CA10: variants seen among roughly 807,000 people sequenced by gnomAD.
CA10 encodes carbonic anhydrase 10 (inactive).
A neutral mutation model predicts 44.2 loss-of-function variants in CA10; 14 were observed. The observed-to-expected ratio is 0.32, with a 90% confidence interval of 0.21 to 0.50. The LOEUF is 0.50. Ranked by LOEUF, CA10 falls within the 20% of genes least tolerant of loss-of-function variation. The probability of loss-of-function intolerance (pLI) is 0.99; values close to 1 mark genes in which losing one functional copy is unlikely to be tolerated. For synonymous variants in CA10, 159 were observed against 141.6 expected, an observed-to-expected ratio of 1.12 and a Z score of -0.87; for missense variants, 350 against 409.7, an observed-to-expected ratio of 0.85 and a Z score of 1.26.
chr17:51,993,500 A>G (rs1233981072), intron 2 of CA10, among the ~76,000 whole-genome samples: 1 of 152,028 alleles, frequency 6.6e-6, no homozygotes, highest in Non-Finnish European at 1.5e-5. Flanking sequence ...ATAGTTATTT[A>G]TTAGCATCCG....
intron 3 of CA10, among the ~76,000 whole-genome samples, chr17:51,928,759 A>G (rs1982531393): frequency 6.6e-6 from 1 of 152,218 alleles, no homozygotes; most frequent in African/African-American, 2.4e-5. Flanking sequence ...CAAAAATCAG[A>G]GCAGTGATTT....
chr17:51,708,815 C>T (rs185597752), intron 4 of CA10, among the ~76,000 whole-genome samples: 9 of 152,348 alleles, frequency 5.9e-5, no homozygotes, highest in Non-Finnish European at 1.2e-4. Context: ...TGCCCTTGAA[C>T]GGCAGACTCC....
intron 3 of CA10, among the ~76,000 whole-genome samples, chr17:51,783,096 G>A (rs1906123510): frequency 6.6e-6 from 1 of 152,178 alleles, no homozygotes; most frequent in Non-Finnish European, 1.5e-5. Flanking sequence ...GCTGACTGTT[G>A]TCTAAATAGT....
intron 3 of CA10, among the ~76,000 whole-genome samples, chr17:51,845,063 T>C (rs1203528940): frequency 2.6e-5 from 4 of 152,196 alleles, no homozygotes; most frequent in African/African-American, 7.2e-5. Flanking sequence ...CAAGGATTGA[T>C]GGTGGCCACC....
At chr17:52,052,958 A>C (rs1363569486) in intron 2 of CA10, among the ~76,000 whole-genome samples, 1 of 151,556 alleles carries the variant, frequency 6.6e-6, no homozygotes, top group East Asian at 1.9e-4. Context: ...TGTGAGTGTG[A>C]GTGATGTGTG....
At chr17:52,047,050 TAAAC>T (rs1486219661) in intron 2 of CA10, among the ~76,000 whole-genome samples, 4 of 151,966 alleles carry the variant, frequency 2.6e-5, no homozygotes, top group African/African-American at 4.8e-5. Flanking sequence ...TTATTTCAGA[TAAAC>T]AAAATCTAGA....
chr17:51,898,072 G>C (rs1343043029), intron 3 of CA10, among the ~76,000 whole-genome samples: 6 of 151,998 alleles, frequency 3.9e-5, no homozygotes, highest in Non-Finnish European at 8.8e-5. Context: ...TCTCATTCCT[G>C]ATTGCTCTAG....
chr17:51,641,753 G>C (rs999403137), intron 6 of CA10, among the ~76,000 whole-genome samples: 1 of 149,424 alleles, frequency 6.7e-6, no homozygotes, highest in African/African-American at 2.4e-5. Context: ...GGACCACTTG[G>C]GGGAGTCGGG....
chr17:52,057,433 T>A (rs1354311158), intron 2 of CA10, among the ~76,000 whole-genome samples: 1 of 139,232 alleles, frequency 7.2e-6, no homozygotes, highest in African/African-American at 2.4e-5. Context: ...ACTTTCTTAA[T>A]AACATTTTAT....
At chr17:52,055,357 AAAAAACAAAGC>A (rs1987198436) in intron 2 of CA10, among the ~76,000 whole-genome samples, 1 of 151,920 alleles carries the variant, frequency 6.6e-6, no homozygotes. Context: ...AAAAAAAAAA[AAAAAACAAAGC>A]AAAACTTAAA....
chr17:51,756,064 A>G (rs1433522243), intron 3 of CA10, among the ~76,000 whole-genome samples: 73 of 148,404 alleles, frequency 4.9e-4, no homozygotes, highest in Admixed American at 4.8e-3. Context: ...TCTTCAGCAG[A>G]TTTTTTTTTT....
Position 52,027,493 on chromosome 17 carries a change from C to T in CA10, c.136+44826G>A, listed in dbSNP as rs533401743. On this transcript the variant is annotated intron_variant, in intron 2 of 8. Coordinates refer to ENST00000451037, the MANE Select transcript of CA10 (RefSeq NM_020178.5). Reference sequence around the variant, plus strand: ...TAAGAGGAGTTTGAACTATAATTATCTGAAGTCTGCCCCAGCTGGTTACTC... The same window carrying T: ...TAAGAGGAGTTTGAACTATAATTATTTGAAGTCTGCCCCAGCTGGTTACTC... Among the ~76,000 whole-genome samples the T allele has an allele frequency of 2.0e-5, 3 of 152,234 alleles. No individual in the cohort carries two copies. In the East Asian group the frequency reaches 5.8e-4, roughly 29 times the overall value.
At chr17:51,703,915 C>T (rs932164744) in intron 4 of CA10, among the ~76,000 whole-genome samples, 29 of 136,478 alleles carry the variant, frequency 2.1e-4, no homozygotes, top group African/African-American at 8.3e-4. Context: ...CTTTCAGGGA[C>T]TGAGGTTTCC....
intron 1 of CA10, among the ~76,000 whole-genome samples, chr17:52,082,462 T>C (rs569706127): frequency 6.6e-6 from 1 of 152,344 alleles, no homozygotes; most frequent in African/African-American, 2.4e-5. Flanking sequence ...CTAGTTATTT[T>C]AGTAGCTATG....
intron 3 of CA10, among the ~76,000 whole-genome samples, chr17:51,829,980 C>A (rs574655822): frequency 1.3e-5 from 2 of 151,962 alleles, no homozygotes; most frequent in African/African-American, 4.8e-5. Flanking sequence ...AGGCAGATCA[C>A]GAGGTTAAGA....
At chr17:51,868,656 CCCT>C (rs1979660833) in intron 3 of CA10, among the ~76,000 whole-genome samples, 1 of 152,116 alleles carries the variant, frequency 6.6e-6, no homozygotes, top group Non-Finnish European at 1.5e-5. Flanking sequence ...TTTTTTCTCT[CCCT>C]AGTCCAGCAC....
chr17:51,935,269 C>T (rs1472517148), intron 2 of CA10, among the ~76,000 whole-genome samples: 1 of 152,124 alleles, frequency 6.6e-6, no homozygotes, highest in East Asian at 1.9e-4. Flanking sequence ...GTTTCCATGG[C>T]TATCCTCCAA....
intron 3 of CA10, among the ~76,000 whole-genome samples, chr17:51,857,579 C>T (rs560708175): frequency 6.6e-5 from 10 of 152,234 alleles, no homozygotes; most frequent in African/African-American, 1.4e-4. Context: ...TGTCATGATA[C>T]GGCTGAGACA....
At chr17:51,652,813 G>A (rs1377698837) in intron 5 of CA10, among the ~76,000 whole-genome samples, 1 of 152,136 alleles carries the variant, frequency 6.6e-6, no homozygotes, top group Non-Finnish European at 1.5e-5. Flanking sequence ...TTCCGATTGG[G>A]GCACTTTCTC....
Sources: allele counts gnomAD v4.1 joint callset (sites outside exome capture counted in the v4.1 genomes callset), GRCh38; gene constraint gnomAD v4.1.1; transcripts MANE v1.5; gene names NCBI Gene and HGNC (gene_info 2026-07-23, HGNC 2026-07-21).